TENM2: variants seen among roughly 807,000 people sequenced by gnomAD.
TENM2 encodes the protein teneurin transmembrane protein 2.
TENM2 carries 52 observed loss-of-function variants against 245.2 expected under a neutral mutation model. The observed-to-expected ratio is 0.21, with a 90% CI of 0.17 to 0.27. The LOEUF (loss-of-function observed/expected upper bound fraction) is 0.27, where lower values mean the gene tolerates loss of function less well. Ranked by LOEUF, TENM2 falls within the 10% of genes least tolerant of loss-of-function variation. The pLI, the probability that TENM2 is intolerant of heterozygous loss-of-function variation, is 1.00. For missense variants in TENM2, 3,046 were observed against 3,666.8 expected (o/e 0.83, Z 4.37); for synonymous variants, 1,363 against 1,438.9 (o/e 0.95, Z 1.19).
chr5:167,701,693 T>C (rs1758155427), intron 2 of TENM2, among the ~76,000 whole-genome samples: 1 of 152,198 alleles, frequency 6.6e-6, no homozygotes, highest in Non-Finnish European at 1.5e-5. Flanking sequence ...ACATACAATG[T>C]TTGGCAAAGT....
chr5:167,669,265 A>G (rs895323521), intron 2 of TENM2, among the ~76,000 whole-genome samples: 10 of 152,320 alleles, frequency 6.6e-5, no homozygotes, highest in African/African-American at 2.4e-4. Flanking sequence ...AAAAAGAGTG[A>G]TGCATTTTAA....
intron 1 of TENM2, among the ~76,000 whole-genome samples, chr5:167,329,389 C>CAAAA (rs34894963): frequency 7.7e-5 from 10 of 129,662 alleles, no homozygotes; most frequent in African/African-American, 2.6e-4. Context: ...ACTAAAAATA[C>CAAAA]AAAAAAAAAA....
intron 5 of TENM2, among the ~76,000 whole-genome samples, chr5:168,045,508 G>A (rs951662589): frequency 1.3e-5 from 2 of 152,178 alleles, no homozygotes; most frequent in Non-Finnish European, 2.9e-5. Flanking sequence ...ACAAGAGTTT[G>A]AGATGGGATG....
At chr5:167,972,894 A>G (rs1277491884) in intron 4 of TENM2, among the ~76,000 whole-genome samples, 1 of 152,178 alleles carries the variant, frequency 6.6e-6, no homozygotes, top group East Asian at 1.9e-4. Context: ...GCAGGGGAAA[A>G]TCTGACTCTC....
At chr5:167,402,418 G>C (rs1762412701) in intron 2 of TENM2, among the ~76,000 whole-genome samples, 1 of 152,094 alleles carries the variant, frequency 6.6e-6, no homozygotes, top group South Asian at 2.1e-4. Context: ...TCAGTGAGAA[G>C]TATGTATGAA....
intron 2 of TENM2, among the ~76,000 whole-genome samples, chr5:167,384,484 C>G (rs757355873): frequency 6.6e-6 from 1 of 152,026 alleles, no homozygotes; most frequent in Non-Finnish European, 1.5e-5. Flanking sequence ...CAACTCCAGT[C>G]AGGATAATGG....
the TENM2 span, among the ~76,000 whole-genome samples, chr5:167,250,509 CAT>C: frequency 2.0e-5 from 3 of 152,016 alleles, no homozygotes; most frequent in Admixed American, 6.6e-5. Context: ...TGTAACATAA[CAT>C]ATGTGACTTA....
chr5:167,052,790 G>A, the TENM2 span, among the ~76,000 whole-genome samples: 27 of 150,846 alleles, frequency 1.8e-4, no homozygotes, highest in Non-Finnish European at 3.2e-4. Context: ...CCCTAAGTAA[G>A]CATTCTCCTG....
intron 12 of TENM2, among the ~76,000 whole-genome samples, chr5:168,143,577 G>A (rs1581433039): frequency 1.3e-5 from 2 of 152,118 alleles, no homozygotes; most frequent in East Asian, 3.9e-4. Flanking sequence ...TGTTGAAAGG[G>A]TATTCCAGTG....
the TENM2 span, among the ~76,000 whole-genome samples, chr5:167,081,239 G>T: frequency 6.6e-6 from 1 of 151,782 alleles, no homozygotes; most frequent in African/African-American, 2.4e-5. Context: ...TTTTCACTTG[G>T]TATTTATGAT....
the TENM2 span, among the ~76,000 whole-genome samples, chr5:166,983,320 A>G: frequency 5.3e-5 from 8 of 152,100 alleles, no homozygotes; most frequent in African/African-American, 1.9e-4. Flanking sequence ...CTTAATGGGA[A>G]AAAATGAAGC....
At chr5:168,127,113 G>A in intron 12 of TENM2, 147 bp downstream of exon 14, 1 of 720,034 alleles carries the variant, frequency 1.4e-6, no homozygotes, top group South Asian at 1.9e-5. Flanking sequence ...AGAAAAATGA[G>A]GTCCCTAATT....
the TENM2 span, among the ~76,000 whole-genome samples, chr5:167,075,210 G>C: frequency 1.7e-3 from 260 of 152,270 alleles, 1 homozygote; most frequent in African/African-American, 5.8e-3. Context: ...GAGAGAGAGA[G>C]AGAGAGTTTC....
chr5:167,241,743 G>A, the TENM2 span, among the ~76,000 whole-genome samples: 17 of 152,120 alleles, frequency 1.1e-4, no homozygotes, highest in East Asian at 1.9e-4. Context: ...TTAGTGGAGC[G>A]ATGGGAACAG....
rs139634992 is a variant in TENM2 at position 168,137,514 on chromosome 5, G to A, written c.2422+10548G>A. On this transcript the variant is annotated intron_variant, in intron 12 of 28. Transcript: ENST00000518659. ...ACAAGTTAGCCAGCTGTCAATCACC[G>A]GTCATGCTATTGCATCTGAAACACA... 9.9e-5 allele frequency among the ~76,000 whole-genome samples: 15 copies of A among 152,280 alleles called. 1 individual carries two copies. In the East Asian group the frequency reaches 1.5e-3, roughly 16 times the overall value.
At chr5:167,453,963 G>A (rs1241715723) in intron 2 of TENM2, among the ~76,000 whole-genome samples, 1 of 151,878 alleles carries the variant, frequency 6.6e-6, no homozygotes, top group Non-Finnish European at 1.5e-5. Flanking sequence ...CACTACTTAG[G>A]GACATGGGTA....
intron 1 of TENM2, among the ~76,000 whole-genome samples, chr5:167,358,666 G>T (rs1380018713): frequency 1.3e-5 from 2 of 151,302 alleles, no homozygotes; most frequent in Non-Finnish European, 2.9e-5. Flanking sequence ...TAAATAGTAT[G>T]TACATGGCAA....
At chr5:167,066,552 C>A in the TENM2 span, among the ~76,000 whole-genome samples, 4 of 144,648 alleles carry the variant, frequency 2.8e-5, no homozygotes, top group Non-Finnish European at 6.0e-5. Context: ...CCACAACAGT[C>A]CCCGGAGTGT....
At chr5:167,237,697 G>T in the TENM2 span, among the ~76,000 whole-genome samples, 1 of 152,118 alleles carries the variant, frequency 6.6e-6, no homozygotes, top group Admixed American at 6.6e-5. Flanking sequence ...TCACCAAGAT[G>T]ATAGGAGAAC....
Sources: gnomAD v4.1 joint callset for allele counts (sites outside exome capture counted in the v4.1 genomes callset) on GRCh38, gnomAD v4.1.1 for gene constraint, MANE v1.5 for transcripts, NCBI Gene and HGNC (gene_info 2026-07-23, HGNC 2026-07-21) for gene names.